PLEKHH2: variants seen among roughly 807,000 people sequenced by gnomAD.
The protein encoded by PLEKHH2 is pleckstrin homology domain-containing family H member 2.
PLEKHH2 carries 129 observed loss-of-function variants against 187.9 expected under a neutral mutation model. The observed-to-expected ratio is 0.69, with a 90% CI of 0.59 to 0.79. The LOEUF is 0.79. PLEKHH2 is among the 30% of genes least tolerant of loss of function. The pLI is 0.00. For synonymous variants in PLEKHH2, 686 were observed against 605.6 expected (o/e 1.13, Z -1.95); for missense variants, 2,076 against 1,751.2 (o/e 1.19, Z -3.31).
chr2:43,742,621 T>C, intron 21 of PLEKHH2, 120 bp from the exon 22 acceptor site: 1 of 680,036 alleles, frequency 1.5e-6, no homozygotes. Context: ...CAAAAAAAGT[T>C]ACTGTCAAAA....
At chr2:43,650,144 C>CTTTTTTTTTT (rs70965311) in intron 2 of PLEKHH2, among the ~76,000 whole-genome samples, 2 of 95,664 alleles carry the variant, frequency 2.1e-5, no homozygotes, top group African/African-American at 4.2e-5. Context: ...TTTTTCTTTC[C>CTTTTTTTTTT]TTTTTTTTTT....
intron 9 of PLEKHH2, among the ~76,000 whole-genome samples, chr2:43,705,521 G>A (rs1346159263): frequency 6.6e-6 from 1 of 151,998 alleles, no homozygotes; most frequent in African/African-American, 2.4e-5. Flanking sequence ...GCTTCTCAAG[G>A]TGCTAGGATT....
At chr2:43,706,817 A>C (rs1323016657) in intron 10 of PLEKHH2, among the ~76,000 whole-genome samples, 1 of 152,254 alleles carries the variant, frequency 6.6e-6, no homozygotes, top group African/African-American at 2.4e-5. Flanking sequence ...TTATATTTTC[A>C]GGCATCTTTT....
chr2:43,716,783 C>T (rs1381157663), intron 15 of PLEKHH2, among the ~76,000 whole-genome samples: 1 of 152,164 alleles, frequency 6.6e-6, no homozygotes, highest in Non-Finnish European at 1.5e-5. Flanking sequence ...TTATTATGGG[C>T]ATTGCCAATG....
chr2:43,733,261 G>A (rs1671131945), intron 19 of PLEKHH2, among the ~76,000 whole-genome samples: 1 of 151,616 alleles, frequency 6.6e-6, no homozygotes, highest in South Asian at 2.1e-4. Flanking sequence ...TACTTGGGAG[G>A]CTGAGGCAGG....
chr2:43,638,305 C>A (rs1703215482), intron 1 of PLEKHH2, among the ~76,000 whole-genome samples: 1 of 151,740 alleles, frequency 6.6e-6, no homozygotes, highest in South Asian at 2.1e-4. Context: ...ACACGATTAC[C>A]CAGCCCAGTT....
chr2:43,644,309 C>T (rs1054076619), intron 1 of PLEKHH2, among the ~76,000 whole-genome samples: 2 of 152,108 alleles, frequency 1.3e-5, no homozygotes, highest in African/African-American at 4.8e-5. Context: ...TGTTGTTATA[C>T]TGTCTGTTCT....
At chr2:43,643,326 T>C (rs1023977619) in intron 1 of PLEKHH2, among the ~76,000 whole-genome samples, 1 of 152,084 alleles carries the variant, frequency 6.6e-6, no homozygotes, top group Non-Finnish European at 1.5e-5. Context: ...AGGCTAGAAT[T>C]TGGGGACATC....
In PLEKHH2 at chr2:43,703,916, C is replaced by CTTTTTTTTTTTTTTTTTT; in HGVS notation, c.1651-57_1651-40dup. The stretch of plus-strand genomic sequence containing the variant: ...GAAAAACATGTGTATTGAAAGTAGT[C>CTTTTTTTTTTTTTTTTTT]TTTTTTTTTTTTTTTTTTTTTTTTT... On this transcript the variant is annotated intron_variant, in intron 8 of 29. Coordinates refer to ENST00000282406, the MANE Select transcript of PLEKHH2 (RefSeq NM_172069.4). 7.8e-6 allele frequency: 3 copies of CTTTTTTTTTTTTTTTTTT among 384,604 alleles called. 1 individual carries two copies. The highest frequency in any genetic ancestry group is 4.0e-5 in the Admixed American group (1 of 25,264). The allele number at this position is 384,604 out of a possible 1,614,324, so 23.8% of individuals were successfully genotyped here. A position where few individuals can be genotyped will look rare whatever the true frequency, so the allele number is the denominator to read the frequency against.
intron 2 of PLEKHH2, among the ~76,000 whole-genome samples, chr2:43,645,373 T>C (rs916622173): frequency 7.2e-5 from 11 of 152,162 alleles, no homozygotes; most frequent in African/African-American, 2.4e-4. Context: ...ATTCAACAAA[T>C]ATTCTTTGAG....
At chr2:43,758,384 C>G (rs953367222) in intron 26 of PLEKHH2, among the ~76,000 whole-genome samples, 2 of 152,126 alleles carry the variant, frequency 1.3e-5, no homozygotes, top group African/African-American at 4.8e-5. Context: ...TCCCGAGTAG[C>G]TGGGATTACA....
intron 10 of PLEKHH2, among the ~76,000 whole-genome samples, chr2:43,707,110 C>T (rs997090623): frequency 3.4e-5 from 5 of 145,730 alleles, no homozygotes; most frequent in South Asian, 2.2e-4. Context: ...TCAGGAGAAT[C>T]GCTTGAACCT....
At chr2:43,725,595 A>G (rs1670700684) in intron 16 of PLEKHH2, among the ~76,000 whole-genome samples, 1 of 152,196 alleles carries the variant, frequency 6.6e-6, no homozygotes. Flanking sequence ...GACTTGCTTT[A>G]CCCTAACTGT....
chr2:43,667,902 A>AAC (rs550571121), intron 2 of PLEKHH2, among the ~76,000 whole-genome samples: 5 of 152,206 alleles, frequency 3.3e-5, no homozygotes, highest in South Asian at 2.1e-4. Flanking sequence ...GTAAAAAAAA[A>AAC]CGCTGAATTG....
chr2:43,756,477 A>G (rs1672215127), intron 25 of PLEKHH2, among the ~76,000 whole-genome samples: 1 of 152,040 alleles, frequency 6.6e-6, no homozygotes, highest in Non-Finnish European at 1.5e-5. Flanking sequence ...TATTTTTAAC[A>G]TCTATTTCAT....
intron 2 of PLEKHH2, among the ~76,000 whole-genome samples, chr2:43,657,424 A>C (rs1178692924): frequency 6.6e-6 from 1 of 152,182 alleles, no homozygotes; most frequent in Non-Finnish European, 1.5e-5. Flanking sequence ...AACCGCTCCC[A>C]AGGTAGCCAG....
At chr2:43,680,155 C>T (rs1668094700) in intron 3 of PLEKHH2, among the ~76,000 whole-genome samples, 1 of 152,148 alleles carries the variant, frequency 6.6e-6, no homozygotes, top group African/African-American at 2.4e-5. Context: ...CAATGAGTTC[C>T]AGTGAGTTCT....
At chr2:43,754,192 ACACACAC>A (rs1348684681) in intron 25 of PLEKHH2, among the ~76,000 whole-genome samples, 2 of 125,138 alleles carry the variant, frequency 1.6e-5, no homozygotes, top group African/African-American at 3.6e-5. Context: ...ACACACACAC[ACACACAC>A]ACACACAAAA....
intron 3 of PLEKHH2, chr2:43,679,617 T>C: frequency 3.7e-6 from 1 of 270,406 alleles, no homozygotes; most frequent in South Asian, 3.1e-5. Context: ...TGCCTCAATC[T>C]CCTGAATAAC....
Sources: gnomAD v4.1 joint callset for allele counts (sites outside exome capture counted in the v4.1 genomes callset) on GRCh38, gnomAD v4.1.1 for gene constraint, MANE v1.5 for transcripts, NCBI Gene and HGNC (gene_info 2026-07-23, HGNC 2026-07-21) for gene names.